The following CREB5 variants were observed in gnomAD, a reference collection of about 807,000 sequenced individuals.
The protein encoded by CREB5 is cyclic AMP-responsive element-binding protein 5.
Under a neutral mutation model 57.1 loss-of-function variants are expected in CREB5, and 19 were observed. The ratio of observed to expected loss-of-function variants is 0.33; its 90% CI spans 0.23 to 0.49. The LOEUF (loss-of-function observed/expected upper bound fraction) is 0.49. CREB5 is among the 20% of genes least tolerant of loss of function. CREB5 has a pLI of 0.99. For synonymous variants in CREB5, 238 were observed against 238.3 expected, an observed-to-expected ratio of 1.00 and a Z score of 0.01; for missense variants, 579 against 671.6, an observed-to-expected ratio of 0.86 and a Z score of 1.52.
chr7:28,354,521 T>C (rs1786301790), intron 1 of CREB5, among the ~76,000 whole-genome samples: 1 of 152,224 alleles, frequency 6.6e-6, no homozygotes, highest in Admixed American at 6.5e-5. Context: ...TTTGTGATCA[T>C]GTGAGTTAAT....
chr7:28,321,904 A>G (rs75718160), intron 1 of CREB5, among the ~76,000 whole-genome samples: 1,829 of 152,356 alleles, frequency 0.012, 43 homozygotes, highest in African/African-American at 0.04. Flanking sequence ...CAGTAGCAGA[A>G]AAGATGTGAA....
intron 1 of CREB5, among the ~76,000 whole-genome samples, chr7:28,426,243 A>C (rs1456985879): frequency 1.3e-5 from 2 of 152,222 alleles, no homozygotes; most frequent in Non-Finnish European, 2.9e-5. Context: ...TAAGGAAAAT[A>C]AGGCTTAGAG....
At chr7:28,373,126 C>G (rs1220416098) in intron 1 of CREB5, among the ~76,000 whole-genome samples, 1 of 152,136 alleles carries the variant, frequency 6.6e-6, no homozygotes, top group Non-Finnish European at 1.5e-5. Flanking sequence ...CGACTAAGTC[C>G]TAGCATAAGA....
At chr7:28,489,459 C>T (rs1213943964) in intron 2 of CREB5, among the ~76,000 whole-genome samples, 4 of 151,972 alleles carry the variant, frequency 2.6e-5, no homozygotes, top group Admixed American at 2.6e-4. Context: ...GCCACCACGC[C>T]CGGGTAATTT....
intron 5 of CREB5, among the ~76,000 whole-genome samples, chr7:28,671,396 C>G (rs982508731): frequency 6.6e-6 from 1 of 152,120 alleles, no homozygotes; most frequent in African/African-American, 2.4e-5. Flanking sequence ...CTGAGGTTCT[C>G]TTATCGCTTG....
intron 4 of CREB5, among the ~76,000 whole-genome samples, chr7:28,524,113 G>A (rs995100704): frequency 6.6e-6 from 1 of 152,152 alleles, no homozygotes; most frequent in African/African-American, 2.4e-5. Flanking sequence ...CTGAGACAAG[G>A]AAGACTGAAG....
chr7:28,742,396 C>T (rs1804414361), intron 7 of CREB5, among the ~76,000 whole-genome samples: 2 of 151,978 alleles, frequency 1.3e-5, no homozygotes, highest in African/African-American at 4.8e-5. Flanking sequence ...GAAACCCCAT[C>T]TCTACTAAAA....
At chr7:28,404,826 T>G (rs1168595562) in intron 1 of CREB5, among the ~76,000 whole-genome samples, 3 of 152,190 alleles carry the variant, frequency 2.0e-5, no homozygotes, top group South Asian at 4.1e-4. Flanking sequence ...GATTCTTGCA[T>G]CCTCAAACCA....
intron 1 of CREB5, among the ~76,000 whole-genome samples, chr7:28,425,400 G>A (rs1042491876): frequency 6.6e-6 from 1 of 152,070 alleles, no homozygotes; most frequent in Non-Finnish European, 1.5e-5. Context: ...CAAATCCGTA[G>A]AGACAGAAGG....
intron 1 of CREB5, among the ~76,000 whole-genome samples, chr7:28,367,783 G>A (rs1263332003): frequency 6.6e-6 from 1 of 152,100 alleles, no homozygotes; most frequent in African/African-American, 2.4e-5. Context: ...ACTCCAGCCT[G>A]GGTGACAGAG....
At chr7:28,773,860 C>T (rs1458229532) in intron 7 of CREB5, among the ~76,000 whole-genome samples, 1 of 152,166 alleles carries the variant, frequency 6.6e-6, no homozygotes, top group Non-Finnish European at 1.5e-5. Flanking sequence ...CCAGTAAGAG[C>T]CTTAGTCACT....
At chr7:28,547,753 C>T (rs1210327824) in intron 4 of CREB5, among the ~76,000 whole-genome samples, 1 of 152,188 alleles carries the variant, frequency 6.6e-6, no homozygotes, top group Non-Finnish European at 1.5e-5. Flanking sequence ...TGAAGGCAGG[C>T]TAATGACATC....
intron 1 of CREB5, among the ~76,000 whole-genome samples, chr7:28,377,347 G>A (rs985032386): frequency 6.6e-6 from 1 of 151,998 alleles, no homozygotes; most frequent in African/African-American, 2.4e-5. Flanking sequence ...CTGATTATAT[G>A]TTGAAGTGAT....
intron 4 of CREB5, among the ~76,000 whole-genome samples, chr7:28,555,519 CTG>C (rs1794830964): frequency 6.6e-6 from 1 of 152,158 alleles, no homozygotes; most frequent in African/African-American, 2.4e-5. Context: ...GGTTTGAAAA[CTG>C]TTTCATAAAG....
At chr7:28,374,436 C>T (rs1786781398) in intron 1 of CREB5, among the ~76,000 whole-genome samples, 1 of 152,082 alleles carries the variant, frequency 6.6e-6, no homozygotes, top group Non-Finnish European at 1.5e-5. Context: ...GAAAACAAAC[C>T]AAACATTTAT....
At chr7:28,737,561 ATATATATATATATATATATATAT>A (rs1562606552) in intron 7 of CREB5, among the ~76,000 whole-genome samples, 4,322 of 131,752 alleles carry the variant, frequency 0.033, 173 homozygotes, top group Non-Finnish European at 0.055. Context: ...ATATATATAT[ATATATATATATATATATATATAT>A]ATATTTTTAA....
At chr7:28,384,279 A>G (rs1787032575) in intron 1 of CREB5, among the ~76,000 whole-genome samples, 1 of 152,334 alleles carries the variant, frequency 6.6e-6, no homozygotes, top group East Asian at 1.9e-4. Context: ...GAGCGAGTGC[A>G]TGATATCATA....
In CREB5 at chr7:28,507,653, C is replaced by T. The variant is rs1396126152; in HGVS notation, c.207C>T (p.Cys69=). 5.6e-6 allele frequency: 9 copies of T among 1,610,454 alleles called. No homozygotes were observed. The highest frequency in any genetic ancestry group is 3.3e-4 in the Middle Eastern group (2 of 6,050). The change falls in exon 4 of 11, where the codon TGC becomes TGT. Residue 69 remains cysteine (C), a synonymous_variant. Coordinates refer to ENST00000357727, the MANE Select transcript of CREB5 (RefSeq NM_182898.4). ...CCCCAACGAGATTCCTGAAGAACTG[C>T]GAGGAGGTGGGCCTCTTCAGCGAGC... The part of the protein sequence containing the change: ...TPTPTRFLKN[C]EEVGLFSELD...
chr7:28,339,595 C>G (rs1785894321), intron 1 of CREB5, among the ~76,000 whole-genome samples: 1 of 152,180 alleles, frequency 6.6e-6, no homozygotes, highest in Non-Finnish European at 1.5e-5. Flanking sequence ...GAAGCTAGCA[C>G]AGCACTGAGT....
Sources: allele counts gnomAD v4.1 joint callset (sites outside exome capture counted in the v4.1 genomes callset), GRCh38; gene constraint gnomAD v4.1.1; transcripts MANE v1.5; gene names NCBI Gene and HGNC (gene_info 2026-07-23, HGNC 2026-07-21).